The following CAMKK2 variants were observed in gnomAD, a reference collection of about 807,000 sequenced individuals.
CAMKK2 encodes the protein calcium/calmodulin dependent protein kinase kinase 2.
CAMKK2 carries 30 observed loss-of-function variants against 67.2 expected under a neutral mutation model. That is an observed-to-expected ratio of 0.45 (90% confidence interval 0.33 to 0.61). The LOEUF (loss-of-function observed/expected upper bound fraction) is 0.61. Among genes scored for constraint, CAMKK2 ranks in the 20% least tolerant of loss-of-function variants. The pLI is 0.02. For missense variants in CAMKK2, 643 were observed against 802.0 expected (o/e 0.80, Z 2.39); for synonymous variants, 322 against 326.2 (o/e 0.99, Z 0.14).
intron 7 of CAMKK2, among the ~76,000 whole-genome samples, chr12:121,259,306 C>T (rs1391928470): frequency 2.0e-5 from 3 of 152,170 alleles, no homozygotes; most frequent in African/African-American, 7.2e-5. Flanking sequence ...TGTTTTGTTA[C>T]GGTGTTGTCG....
At chr12:121,241,399 C>T (rs552241815) in intron 16 of CAMKK2, among the ~76,000 whole-genome samples, 9 of 152,292 alleles carry the variant, frequency 5.9e-5, no homozygotes, top group Admixed American at 2.0e-4. Context: ...GGGATCCTCC[C>T]GCCTCAGCCC....
chr12:121,256,460 T>G (rs978203110), intron 7 of CAMKK2, among the ~76,000 whole-genome samples: 2 of 152,188 alleles, frequency 1.3e-5, no homozygotes, highest in African/African-American at 2.4e-5. Context: ...ATTTAGTATA[T>G]TCACAATTTT....
chr12:121,255,711 A>G (rs1038414128), intron 8 of CAMKK2, 72 bp downstream of exon 8: 18 of 1,605,118 alleles, frequency 1.1e-5, no homozygotes, highest in South Asian at 7.7e-5. Flanking sequence ...AGCAGAGCCC[A>G]GTGGCACCTC....
Position 121,245,181 on chromosome 12 carries a change from C to A in CAMKK2, c.1512G>T (p.Arg504=), listed in dbSNP as rs774488027. 1 of 1,608,720 alleles carries A rather than the reference C, an allele frequency of 6.2e-7. No homozygotes were observed. The highest frequency in any genetic ancestry group is 1.1e-5 in the South Asian group (1 of 89,854). The change falls in exon 15 of 17, where the codon CGG becomes CGT. Residue 504 remains arginine, a synonymous_variant. Coordinates refer to ENST00000404169, the MANE Select transcript of CAMKK2 (RefSeq NM_001270485.2). This position sits in a 1 kb window ranked among gnomAD's most constrained non-coding sequence, Gnocchi z 5.8. Reference sequence around the variant, plus strand: ...GCGCTGACAGTGAGCGTTCCTCCCGCCGGCTGCCCTCGAATGGGTTCCCAA... The same window carrying A: ...GCGCTGACAGTGAGCGTTCCTCCCGACGGCTGCCCTCGAATGGGTTCCCAA... ...RSFGNPFEGS[R]REERSLSAPG... is the part of the protein sequence containing the mutation.
At chr12:121,268,525 G>T in intron 5 of CAMKK2, 113 bp downstream of exon 5, 1 of 1,013,282 alleles carries the variant, frequency 9.9e-7, no homozygotes. Flanking sequence ...CTCCCAAGTA[G>T]CTGGAACTAC....
rs1209545092 is a variant in CAMKK2, at chr12:121,269,478, G to A, written c.573+50C>T. On this transcript the variant is annotated intron_variant, in intron 4 of 16. Transcript: ENST00000404169. The stretch of plus-strand genomic sequence containing the variant: ...CAGGAAGCTGAGTGCTGGAAAGGAG[G>A]CTCTTCTGTGGATAAGGATGGGGGC... 3 of 1,394,970 alleles carry A rather than the reference G, an allele frequency of 2.2e-6. No homozygotes were observed. In the Admixed American group the frequency reaches 5.6e-5, roughly 26 times the overall value. 86.4% of individuals were successfully genotyped at this position (1,394,970 alleles called of 1,614,324 possible). A position where few individuals can be genotyped will look rare whatever the true frequency, so the allele number is the denominator to read the frequency against.
chr12:121,291,918 T>C (rs1166286284), intron 1 of CAMKK2, among the ~76,000 whole-genome samples: 2 of 151,528 alleles, frequency 1.3e-5, no homozygotes, highest in Non-Finnish European at 2.9e-5. Flanking sequence ...TAGCTGGGCA[T>C]GGTGTCACAT....
intron 1 of CAMKK2, among the ~76,000 whole-genome samples, chr12:121,290,830 T>C (rs750035689): frequency 3.5e-4 from 53 of 152,326 alleles, no homozygotes; most frequent in South Asian, 1.0e-3. Context: ...TGTGGTTTTT[T>C]CTTTTTGACA....
At chr12:121,251,274 G>A (rs1890652227) in intron 11 of CAMKK2, among the ~76,000 whole-genome samples, 1 of 152,222 alleles carries the variant, frequency 6.6e-6, no homozygotes, top group South Asian at 2.1e-4. Flanking sequence ...GGTAAGGAAT[G>A]AACAGACAAG....
In CAMKK2 at chr12:121,239,752, A is replaced by G. The variant is rs199795437; in HGVS notation, c.*947T>C. On this transcript the variant is annotated 3_prime_UTR_variant, in exon 17 of 17. Coordinates refer to ENST00000404169, the MANE Select transcript of CAMKK2 (RefSeq NM_001270485.2). Reference sequence around the variant, plus strand: ...GGTTTCATCGGCTCTAACTGATCACATGCCTGAAGCTGTGAAATATATCCT... The same window carrying G: ...GGTTTCATCGGCTCTAACTGATCACGTGCCTGAAGCTGTGAAATATATCCT... 6.6e-6 allele frequency: 1 copy of G among 152,274 alleles called. No individual in the cohort carries two copies. Among genetic ancestry groups the G allele is most frequent in the African/African-American group, 2.4e-5 (1 of 41,456 alleles). The allele number at this position is 152,274 out of a possible 1,614,324, so 9.4% of individuals were successfully genotyped here.
chr12:121,258,035 T>C (rs1392223068), intron 7 of CAMKK2, among the ~76,000 whole-genome samples: 1 of 150,918 alleles, frequency 6.6e-6, no homozygotes, highest in African/African-American at 2.4e-5. Context: ...TTTTTTTTTT[T>C]TTTTTTTGAG....
intron 4 of CAMKK2, 78 bp from the exon 5 acceptor site, chr12:121,268,767 C>T (rs978197578): frequency 5.0e-6 from 7 of 1,400,156 alleles, no homozygotes; most frequent in East Asian, 4.6e-5. Flanking sequence ...AGGGCGCAGT[C>T]GGGGTTCCTC....
chr12:121,256,293 C>G (rs1401603335), intron 7 of CAMKK2, among the ~76,000 whole-genome samples: 1 of 152,182 alleles, frequency 6.6e-6, no homozygotes, highest in East Asian at 1.9e-4. Flanking sequence ...GCACAAGAAT[C>G]ACTTGAACCT....
Position 121,245,566 on chromosome 12 carries a change from C to A in CAMKK2, c.1453-326G>T, listed in dbSNP as rs1255802576. 6.6e-6 allele frequency among the ~76,000 whole-genome samples: 1 copy of A among 152,204 alleles called. No homozygotes were observed. Among genetic ancestry groups the A allele is most frequent in the African/African-American group, 2.4e-5 (1 of 41,446 alleles). On this transcript the variant is annotated intron_variant, in intron 14 of 16. Coordinates refer to ENST00000404169, the MANE Select transcript of CAMKK2 (RefSeq NM_001270485.2). The surrounding 1 kb of genome is among the most constrained non-coding windows in gnomAD (Gnocchi z 5.8). ...TCACTCCCTGACTCAGCATCCCCACCCAGAGGGGTCTGGAACTTGGCCTGT... is the reference window on the plus strand; with the variant it reads ...TCACTCCCTGACTCAGCATCCCCACACAGAGGGGTCTGGAACTTGGCCTGT...
At chr12:121,244,235 C>T (rs1888955608) in intron 16 of CAMKK2, 1 of 1,182,324 alleles carries the variant, frequency 8.5e-7, no homozygotes, top group Non-Finnish European at 1.2e-6. Context: ...CTCGGGGGGG[C>T]ACCCATGGGC....
chr12:121,284,860 G>C (rs994477179), intron 1 of CAMKK2, among the ~76,000 whole-genome samples: 3 of 152,192 alleles, frequency 2.0e-5, no homozygotes, highest in Non-Finnish European at 4.4e-5. Context: ...ACAGGGACAT[G>C]GACATGACTA....
chr12:121,247,822 T>G (rs749845187), intron 14 of CAMKK2, among the ~76,000 whole-genome samples: 3 of 152,104 alleles, frequency 2.0e-5, no homozygotes, highest in Non-Finnish European at 2.9e-5. Context: ...CCAGCCAGTC[T>G]CAAGGGTCCC....
Position 121,263,995 on chromosome 12 carries a change from G to C in CAMKK2, c.626-56C>G, listed in dbSNP as rs1472184036. 3 of 1,468,904 alleles carry C rather than the reference G, an allele frequency of 2.0e-6. No homozygotes were observed. The African/African-American group carries it at 4.2e-5, about 21-fold the overall frequency. The allele number at this position is 1,468,904 out of a possible 1,614,324, so 91.0% of individuals were successfully genotyped here. A position where few individuals can be genotyped will look rare whatever the true frequency, so the allele number is the denominator to read the frequency against. On this transcript the variant is annotated intron_variant, in intron 5 of 16. Coordinates refer to ENST00000404169, the MANE Select transcript of CAMKK2 (RefSeq NM_001270485.2). The stretch of plus-strand genomic sequence containing the variant: ...GGGCAAAGAGACTTTCCTCCGCAGA[G>C]GGCAGCTGCAGGTGGGATGCCAAAA...
At chr12:121,294,517 G>A (rs1330291389) in intron 1 of CAMKK2, among the ~76,000 whole-genome samples, 1 of 152,218 alleles carries the variant, frequency 6.6e-6, no homozygotes, top group Admixed American at 6.5e-5. Flanking sequence ...AAACACTGAT[G>A]TAGTGAATAA....
Sources: gnomAD v4.1 joint callset for allele counts (sites outside exome capture counted in the v4.1 genomes callset) on GRCh38, gnomAD v4.1.1 for gene constraint, Gnocchi (gnomAD v3.1) non-coding constraint, MANE v1.5 for transcripts, NCBI Gene and HGNC (gene_info 2026-07-23, HGNC 2026-07-21) for gene names.